The following LUC7L2 variants were observed in gnomAD, a reference collection of about 807,000 sequenced individuals.
LUC7L2 encodes the protein putative RNA-binding protein Luc7-like 2.
LUC7L2 carries 25 observed loss-of-function variants against 52.8 expected under a neutral mutation model. The observed-to-expected ratio is 0.47, with a 90% CI of 0.34 to 0.66. The LOEUF (loss-of-function observed/expected upper bound fraction) is 0.66. Among genes scored for constraint, LUC7L2 ranks in the 30% least tolerant of loss-of-function variants. The pLI, the probability that LUC7L2 is intolerant of heterozygous loss-of-function variation, is 0.01. For missense variants in LUC7L2, 328 were observed against 497.8 expected, an observed-to-expected ratio of 0.66 and a Z score of 3.25; for synonymous variants, 144 against 160.9, an observed-to-expected ratio of 0.89 and a Z score of 0.80.
intron 1 of LUC7L2, among the ~76,000 whole-genome samples, chr7:139,369,988 C>T (rs6954547): frequency 0.39 from 58,615 of 152,170 alleles, 15,775 homozygotes; most frequent in African/African-American, 0.77. Context: ...GGAAGGCAGA[C>T]TGTCATAATT....
intron 5 of LUC7L2, 23 bp downstream of exon 5, chr7:139,405,810 C>A: frequency 6.4e-7 from 1 of 1,570,386 alleles, no homozygotes; most frequent in Non-Finnish European, 8.6e-7. Context: ...TAGTAGTAGA[C>A]GAATTCTGCT....
chr7:139,341,749 A>C (rs1020674576), intron 1 of LUC7L2, among the ~76,000 whole-genome samples: 6 of 152,200 alleles, frequency 3.9e-5, no homozygotes, highest in Admixed American at 3.9e-4. Flanking sequence ...TGGGGACGTC[A>C]GCCTGTCCTG....
intron 8 of LUC7L2, chr7:139,412,814 G>C: frequency 5.2e-6 from 1 of 192,428 alleles, no homozygotes. Flanking sequence ...AACAGAATAG[G>C]ACTCTGTCTT....
At chr7:139,406,048 CCTT>C (rs1186943667) in intron 5 of LUC7L2, among the ~76,000 whole-genome samples, 2 of 152,006 alleles carry the variant, frequency 1.3e-5, no homozygotes, top group Admixed American at 6.6e-5. Flanking sequence ...TCAAGTCCAG[CCTT>C]CTTCTTTTTG....
At chr7:139,342,966 T>C (rs1005700101) in intron 1 of LUC7L2, among the ~76,000 whole-genome samples, 4 of 152,242 alleles carry the variant, frequency 2.6e-5, no homozygotes, top group Non-Finnish European at 5.9e-5. Context: ...CCATTTTCTC[T>C]ATCCTTTCCC....
chr7:139,420,161 A>C (rs1246893010), intron 9 of LUC7L2, among the ~76,000 whole-genome samples: 5 of 151,828 alleles, frequency 3.3e-5, no homozygotes, highest in Non-Finnish European at 7.4e-5. Context: ...TTTAGTGCAG[A>C]CTCCAAAGTC....
At chr7:139,360,415 C>A in intron 1 of LUC7L2, 93 bp downstream of exon 1, 1 of 1,210,444 alleles carries the variant, frequency 8.3e-7, no homozygotes, top group Non-Finnish European at 1.2e-6. Flanking sequence ...GCGCGTGTGG[C>A]TGAGTAAGGG....
upstream of LUC7L2, among the ~76,000 whole-genome samples, chr7:139,357,172 C>T (rs1799630106): frequency 6.6e-6 from 1 of 151,942 alleles, no homozygotes; most frequent in African/African-American, 2.4e-5. Context: ...AACTTCCACA[C>T]TACTAGAGTG....
intron 1 of LUC7L2, among the ~76,000 whole-genome samples, chr7:139,361,653 G>A (rs1799889900): frequency 6.6e-6 from 1 of 152,268 alleles, no homozygotes; most frequent in East Asian, 1.9e-4. Context: ...TGTATGGAAA[G>A]TTAACATTAA....
At chr7:139,344,442 G>A (rs983914444) in intron 1 of LUC7L2, among the ~76,000 whole-genome samples, 4 of 152,012 alleles carry the variant, frequency 2.6e-5, no homozygotes, top group South Asian at 2.1e-4. Flanking sequence ...TATGTAAATC[G>A]TTGTTATACT....
intron 1 of LUC7L2, chr7:139,341,347 G>T: frequency 6.3e-7 from 1 of 1,587,712 alleles, no homozygotes; most frequent in South Asian, 1.1e-5. Context: ...AGGGTCGTAG[G>T]ACGCCGTTGG....
intron 1 of LUC7L2, among the ~76,000 whole-genome samples, chr7:139,366,794 A>G (rs1459716257): frequency 6.6e-6 from 1 of 152,136 alleles, no homozygotes; most frequent in Non-Finnish European, 1.5e-5. Flanking sequence ...ATCACGTCGT[A>G]TTGTTAGAAA....
chr7:139,415,054 G>GTTTTTTTTTTTT (rs1171809951), intron 8 of LUC7L2, among the ~76,000 whole-genome samples: 19 of 54,182 alleles, frequency 3.5e-4, no homozygotes, highest in African/African-American at 5.2e-4. Flanking sequence ...GCCCTGCTAA[G>GTTTTTTTTTTTT]TTTTTTTTTT....
chr7:139,390,592 G>T (rs1049342526), intron 2 of LUC7L2, among the ~76,000 whole-genome samples: 10 of 126,052 alleles, frequency 7.9e-5, no homozygotes, highest in Non-Finnish European at 1.1e-4. Context: ...GTCTCGCTTT[G>T]TCGCCCAGGC....
chr7:139,405,828 G>T (rs1354225064), intron 5 of LUC7L2, 41 bp downstream of exon 5: 3 of 1,549,366 alleles, frequency 1.9e-6, no homozygotes, highest in Non-Finnish European at 2.6e-6. Flanking sequence ...GCTTAATTTG[G>T]TAAGACTACA....
chr7:139,377,825 C>CTT lies in LUC7L2; in HGVS notation c.156+1690_156+1691dup, dbSNP rs11346680. On this transcript the variant is annotated intron_variant, in intron 2 of 9. Coordinates refer to ENST00000354926, the MANE Select transcript of LUC7L2 (RefSeq NM_016019.5). Reference sequence around the variant, plus strand: ...TACAGGCATGAGCTACCGCGCCTGGCTTTTTTTTTTTTTTTTTTTTTTGAG... The same window carrying CTT: ...TACAGGCATGAGCTACCGCGCCTGGCTTTTTTTTTTTTTTTTTTTTTTTTGAG... 2.6e-3 allele frequency among the ~76,000 whole-genome samples: 259 copies of CTT among 98,242 alleles called. 1 individual carries two copies. Among genetic ancestry groups the CTT allele is most frequent in the Non-Finnish European group, 3.3e-3 (171 of 52,258 alleles). 64.5% of individuals were successfully genotyped at this position (98,242 alleles called of 152,430 possible).
rs867985405 is a variant in LUC7L2, at chr7:139,417,735, G to A, written c.1001+6G>A. On this transcript the variant is annotated splice_donor_region_variant and intron_variant, in intron 9 of 9. Coordinates refer to ENST00000354926, the MANE Select transcript of LUC7L2 (RefSeq NM_016019.5). ...AGAGAACGATCCAAGAGGAGGTATT[G>A]ATGTGTCAATCAGAGGATATGGAGC... The A allele has an allele frequency of 1.9e-6, 3 of 1,612,340 alleles. No homozygotes were observed. Among genetic ancestry groups the A allele is most frequent in the African/African-American group, 1.3e-5 (1 of 75,014 alleles).
intron 1 of LUC7L2, chr7:139,375,148 C>G: frequency 1.0e-6 from 1 of 983,286 alleles, no homozygotes; most frequent in African/African-American, 1.7e-5. Context: ...CAAAGAGATT[C>G]TAAGCAAAAA....
intron 8 of LUC7L2, 89 bp downstream of exon 8, chr7:139,412,669 A>G: frequency 6.6e-7 from 1 of 1,508,898 alleles, no homozygotes. Flanking sequence ...TCCTTTAAAA[A>G]TTTTCTTTTT....
Sources: allele counts gnomAD v4.1 joint callset (sites outside exome capture counted in the v4.1 genomes callset), GRCh38; gene constraint gnomAD v4.1.1; transcripts MANE v1.5; gene names NCBI Gene and HGNC (gene_info 2026-07-23, HGNC 2026-07-21).